TRIOBP: variants seen among roughly 807,000 people sequenced by gnomAD.
TRIOBP encodes the protein TRIO and F-actin-binding protein.
TRIOBP carries 169 observed loss-of-function variants against 238.8 expected under a neutral mutation model. The ratio of observed to expected loss-of-function variants is 0.71; its 90% confidence interval spans 0.62 to 0.80. The LOEUF (loss-of-function observed/expected upper bound fraction) is 0.80, where lower values mean the gene tolerates loss of function less well. Ranked by LOEUF, TRIOBP falls within the 30% of genes least tolerant of loss-of-function variation. The pLI, the probability that TRIOBP is intolerant of heterozygous loss-of-function variation, is 0.00. For missense variants in TRIOBP, 2,838 were observed against 3,122.6 expected (o/e 0.91, Z 2.17); for synonymous variants, 1,150 against 1,274.4 (o/e 0.90, Z 2.08).
Position 37,769,137 on chromosome 22 carries a change from A to G in TRIOBP, c.6685A>G (p.Thr2229Ala). 6.2e-7 allele frequency: 1 copy of G among 1,612,672 alleles called. No homozygotes were observed. The highest frequency in any genetic ancestry group is 8.5e-7 in the Non-Finnish European group (1 of 1,179,782). ...GCGGCAGGCTGAGGAGCGCGAGCACACGCTGCGCCGCTGCCAGCAGGAGGG... is the reference window on the plus strand; with the variant it reads ...GCGGCAGGCTGAGGAGCGCGAGCACGCGCTGCGCCGCTGCCAGCAGGAGGG... Reference protein sequence around the residue: ...LMRQAEEREHTLRRCQQEGQE... With the variant: ...LMRQAEEREHALRRCQQEGQE... The change falls in exon 20 of 24, where the codon ACG becomes GCG. Residue 2229 changes from threonine to alanine, a missense_variant. Thr to Ala is a moderately conservative substitution (Grantham distance 58). Transcript: ENST00000644935.
At chr22:37,710,666 G>A (rs1478947240) in intron 4 of TRIOBP, 100 bp downstream of exon 4, 4 of 1,476,646 alleles carry the variant, frequency 2.7e-6, no homozygotes, top group East Asian at 4.9e-5. Context: ...GTCTCTAATG[G>A]CTGCTGGCAT....
intron 11 of TRIOBP, among the ~76,000 whole-genome samples, chr22:37,744,534 C>T (rs764098047): frequency 1.1e-4 from 17 of 152,062 alleles, no homozygotes; most frequent in African/African-American, 2.7e-4. Context: ...CACTGTGTTG[C>T]GGGTACTAGG....
At chr22:37,768,715 C>T (rs948291021) in intron 19 of TRIOBP, among the ~76,000 whole-genome samples, 4 of 151,798 alleles carry the variant, frequency 2.6e-5, no homozygotes, top group South Asian at 2.1e-4. Context: ...GCAGGAGAAT[C>T]GCTTGAACCC....
rs574287103 is a variant in TRIOBP, at chr22:37,718,600, T to G, written c.628+2666T>G. 3.3e-5 allele frequency among the ~76,000 whole-genome samples: 5 copies of G among 152,294 alleles called. No individual in the cohort carries two copies. The South Asian group carries it at 1.0e-3, about 32-fold the overall frequency. Reference sequence around the variant, plus strand: ...GGTGGGCACAGAATCCCTTCCCTTCTAAATCGTCCTGCTGAAAATGCATTG... The same window carrying G: ...GGTGGGCACAGAATCCCTTCCCTTCGAAATCGTCCTGCTGAAAATGCATTG... On this transcript the variant is annotated intron_variant, in intron 6 of 23. Transcript: ENST00000644935.
At position 37,735,441 on chromosome 22, in the gene TRIOBP, A is replaced by C. The variant is rs755706904; in HGVS notation, c.5105A>C (p.Gln1702Pro). Reference sequence around the variant, plus strand: ...AAGGGCCCCAGCTTGCCAGAGCTGCAGGTAAGGAGGTTTCCACCCTCCCAA... The same window carrying C: ...AAGGGCCCCAGCTTGCCAGAGCTGCCGGTAAGGAGGTTTCCACCCTCCCAA... ...TAKGPSLPELQFQPEEPEESE... is the reference protein window; with the variant it reads ...TAKGPSLPELPFQPEEPEESE... The change falls in exon 9 of 24, where the codon CAG becomes CCG. Residue 1702 changes from glutamine (Q) to proline (P), a missense_variant and splice_region_variant. Gln to Pro is a moderately conservative substitution (Grantham distance 76). This residue lies in a region of TRIOBP where 2,096 missense variants were observed against 2,137.4 expected (regional missense o/e 0.98). Transcript: ENST00000644935. 1 of 1,557,262 alleles carries C rather than the reference A, an allele frequency of 6.4e-7. No homozygotes were observed. The highest frequency in any genetic ancestry group is 1.2e-5 in the South Asian group (1 of 85,280).
At chr22:37,772,266 G>A (rs1019652722) in intron 22 of TRIOBP, among the ~76,000 whole-genome samples, 5 of 152,174 alleles carry the variant, frequency 3.3e-5, no homozygotes, top group Non-Finnish European at 5.9e-5. Flanking sequence ...CGTGTTTACC[G>A]CACTTGAAGA....
In TRIOBP at chr22:37,724,770, C is replaced by G; in HGVS notation, c.2214C>G (p.Thr738=). 1 of 1,600,154 alleles carries G rather than the reference C, an allele frequency of 6.2e-7. No individual in the cohort carries two copies. Among genetic ancestry groups the G allele is most frequent in the Non-Finnish European group, 8.5e-7 (1 of 1,171,782 alleles). The change falls in exon 7 of 24, where the codon ACC becomes ACG. Residue 738 remains threonine, a synonymous_variant. Coordinates refer to ENST00000644935, the MANE Select transcript of TRIOBP (RefSeq NM_001039141.3). ...DNPRASSRNR[T]IQRDNPRTSC... ...CCAGAGCCTCCTCTCGCAACAGAAC[C>G]ATCCAGCGAGACAACCCCAGAACAT...
chr22:37,765,522 T>A (rs1334589570), intron 17 of TRIOBP, 148 bp from the exon 18 acceptor site: 9 of 951,504 alleles, frequency 9.5e-6, no homozygotes, highest in Non-Finnish European at 1.2e-5. Context: ...GGGGTGGGGG[T>A]GGGAGCAGGA....
chr22:37,755,363 G>A (rs1925861222), intron 14 of TRIOBP, 173 bp downstream of exon 14: 1 of 899,526 alleles, frequency 1.1e-6, no homozygotes, highest in African/African-American at 1.6e-5. Flanking sequence ...CATATCTGGG[G>A]GAGACGCTGG....
intron 6 of TRIOBP, 91 bp from the exon 7 acceptor site, chr22:37,723,094 T>C: frequency 1.5e-6 from 2 of 1,370,070 alleles, no homozygotes; most frequent in Non-Finnish European, 2.0e-6. Flanking sequence ...GGGTTTGCCC[T>C]AATCACTGGT....
At chr22:37,710,683 C>T (rs548156833) in intron 4 of TRIOBP, 117 bp downstream of exon 4, 5 of 1,401,840 alleles carry the variant, frequency 3.6e-6, no homozygotes, top group East Asian at 5.0e-5. Flanking sequence ...GCATGGGTCA[C>T]GTGGTCAGTC....
At chr22:37,701,660 G>C (rs551761995) in intron 3 of TRIOBP, among the ~76,000 whole-genome samples, 181 bp downstream of exon 3, 66 of 152,304 alleles carry the variant, frequency 4.3e-4, no homozygotes, top group South Asian at 1.0e-3. Flanking sequence ...ACAATCTTCA[G>C]TCACTTTCCT....
At chr22:37,757,499 G>T in intron 15 of TRIOBP, 114 bp from the exon 16 acceptor site, 1 of 1,421,430 alleles carries the variant, frequency 7.0e-7, no homozygotes, top group Non-Finnish European at 9.6e-7. Context: ...CCTTCCCTGG[G>T]GTCTGTCTCC....
At chr22:37,751,521 G>A (rs1925604219) in intron 11 of TRIOBP, 3 of 560,746 alleles carry the variant, frequency 5.4e-6, no homozygotes, top group East Asian at 3.1e-5. Context: ...ATCTGGGTGT[G>A]TGTGCCAGCC....
chr22:37,761,010 A>C (rs1239206137), intron 17 of TRIOBP, among the ~76,000 whole-genome samples: 1 of 151,586 alleles, frequency 6.6e-6, no homozygotes, highest in Admixed American at 6.6e-5. Flanking sequence ...GAAGGCTGAG[A>C]TCTAGGCCCT....
chr22:37,760,962 C>T (rs1926212033), intron 17 of TRIOBP, among the ~76,000 whole-genome samples: 1 of 148,632 alleles, frequency 6.7e-6, no homozygotes, highest in African/African-American at 2.5e-5. Context: ...CAGAGTAAGA[C>T]TCCATCTCAA....
Position 37,725,294 on chromosome 22 carries a change from C to T in TRIOBP, c.2738C>T (p.Pro913Leu). The change falls in exon 7 of 24, where the codon CCA (proline) becomes CTA (leucine). Residue 913 changes from proline (P) to leucine (L), a missense_variant. By Grantham distance (98) the Pro-to-Leu change is moderately conservative. Coordinates refer to ENST00000644935, the MANE Select transcript of TRIOBP (RefSeq NM_001039141.3). ...DIPWASFPLR[P>L]TQSDGPRTSS... ...CCCTGGGCCTCGTTTCCCCTCCGGC[C>T]AACTCAGAGTGATGGTCCCCGAACC... 1 of 1,613,948 alleles carries T rather than the reference C, an allele frequency of 6.2e-7. No homozygotes were observed. Among genetic ancestry groups the T allele is most frequent in the Non-Finnish European group, 8.5e-7 (1 of 1,180,030 alleles).
chr22:37,701,445 T>C lies in TRIOBP; in HGVS notation c.80T>C (p.Phe27Ser). The change falls in exon 3 of 24, where the codon TTC becomes TCC. Residue 27 changes from phenylalanine (F) to serine (S), a missense_variant. By Grantham distance (155) the Phe-to-Ser change is radical. Transcript: ENST00000644935. ...ILTQNRCQNC[F>S]HPEEAHGARY... is the part of the protein sequence containing the mutation. The stretch of plus-strand genomic sequence containing the variant: ...ACCCAGAACCGCTGTCAAAACTGCT[T>C]CCACCCTGAGGAGGCCCATGGAGCA... 1.2e-6 allele frequency: 2 copies of C among 1,613,564 alleles called. No individual in the cohort carries two copies. Among genetic ancestry groups the C allele is most frequent in the East Asian group, 2.2e-5 (1 of 44,862 alleles).
chr22:37,726,784 T>C (rs1032851520), intron 7 of TRIOBP, among the ~76,000 whole-genome samples: 2 of 152,252 alleles, frequency 1.3e-5, no homozygotes, highest in African/African-American at 4.8e-5. Flanking sequence ...CAAAGCCACA[T>C]GTCAACTCGT....
Sources: allele counts gnomAD v4.1 joint callset (sites outside exome capture counted in the v4.1 genomes callset), GRCh38; gene constraint gnomAD v4.1.1; regional missense constraint gnomAD v4.1.1; transcripts MANE v1.5; gene names NCBI Gene and HGNC (gene_info 2026-07-23, HGNC 2026-07-21).